The following SEM1 variants were observed in gnomAD, a reference collection of about 807,000 sequenced individuals.
SEM1 encodes the protein SEM1 26S proteasome subunit, also known as 26S proteasome complex subunit SEM1.
SEM1 carries 3 observed loss-of-function variants against 12.7 expected under a neutral mutation model. The observed-to-expected ratio is 0.24, with a 90% confidence interval of 0.11 to 0.61. The LOEUF is 0.61. SEM1 is among the 20% of genes least tolerant of loss of function. SEM1 has a pLI of 0.88. For missense variants in SEM1, 59 were observed against 81.3 expected (o/e 0.73, Z 1.06); for synonymous variants, 30 against 27.8 (o/e 1.08, Z -0.25).
intron 1 of SEM1, among the ~76,000 whole-genome samples, chr7:96,492,759 ATGTGTGTGTGTGTGTGTG>A (rs138520257): frequency 2.2e-4 from 31 of 142,990 alleles, no homozygotes; most frequent in African/African-American, 7.7e-4. Context: ...AATAATATTC[ATGTGTGTGTGTGTGTGTG>A]TGTGTGTGTG....
chr7:96,707,217 A>G (rs1790494215), intron 1 of SEM1, among the ~76,000 whole-genome samples: 2 of 152,224 alleles, frequency 1.3e-5, no homozygotes, highest in African/African-American at 4.8e-5. Flanking sequence ...CACATTTTGA[A>G]TAGTAACAGA....
chr7:96,488,894 G>T (rs886369537), intron 1 of SEM1, among the ~76,000 whole-genome samples: 3 of 152,040 alleles, frequency 2.0e-5, no homozygotes, highest in Admixed American at 1.3e-4. Flanking sequence ...AATAATTGAA[G>T]TTAAAAGAAG....
chr7:96,496,364 T>A (rs1388687288), upstream of SEM1: 3 of 1,196,654 alleles, frequency 2.5e-6, no homozygotes, highest in Admixed American at 6.8e-5. Flanking sequence ...AATTAATTAT[T>A]CAAATGTAAT....
downstream of SEM1, among the ~76,000 whole-genome samples, chr7:96,670,872 T>C (rs1261677743): frequency 2.0e-5 from 3 of 152,212 alleles, no homozygotes; most frequent in African/African-American, 7.2e-5. Flanking sequence ...TGTGTTACTT[T>C]CTAATAAATG....
intron 2 of SEM1, among the ~76,000 whole-genome samples, chr7:96,648,275 T>A (rs1584832067): frequency 6.6e-6 from 1 of 152,210 alleles, no homozygotes; most frequent in South Asian, 2.1e-4. Context: ...ATTTTGGACA[T>A]CAATGTTAGT....
chr7:96,668,930 G>C (rs530972765), downstream of SEM1, among the ~76,000 whole-genome samples: 7 of 152,118 alleles, frequency 4.6e-5, no homozygotes, highest in African/African-American at 1.7e-4. Context: ...GAATGCCATG[G>C]GACAACAAAG....
intron 2 of SEM1, among the ~76,000 whole-genome samples, chr7:96,520,747 T>C (rs1049690859): frequency 6.6e-6 from 1 of 152,112 alleles, no homozygotes; most frequent in African/African-American, 2.4e-5. Context: ...GGTGTCTGTG[T>C]TCCAGCATCT....
intron 2 of SEM1, among the ~76,000 whole-genome samples, chr7:96,612,176 C>G (rs917719380): frequency 2.0e-5 from 3 of 152,194 alleles, no homozygotes; most frequent in African/African-American, 7.2e-5. Context: ...GTGATGTAGA[C>G]AGGGCACACA....
rs540711696 is a variant in SEM1, at chr7:96,663,858, C to T, written c.170+30940G>A. 3.2e-4 allele frequency among the ~76,000 whole-genome samples: 49 copies of T among 152,238 alleles called. No homozygotes were observed. The Middle Eastern group carries it at 0.014, about 42-fold the overall frequency. ...AAAAACAGGCAAAAGACAAAGCAGG[C>T]GTTTCACTGAAAACAAAATATATAG... On this transcript the variant is annotated intron_variant, in intron 2 of 2. Coordinates refer to the SEM1 transcript ENST00000417009.
Position 96,643,175 on chromosome 7 carries a change from T to C in SEM1, c.171-20532A>G, listed in dbSNP as rs565138570. Reference sequence around the variant, plus strand: ...TGTCCATGTGTTCTCATCATTTCACTCCAGGTTATAAGTGAGAACGTGCAG... The same window carrying C: ...TGTCCATGTGTTCTCATCATTTCACCCCAGGTTATAAGTGAGAACGTGCAG... On this transcript the variant is annotated intron_variant, in intron 2 of 2. Coordinates refer to the SEM1 transcript ENST00000417009. Among the ~76,000 whole-genome samples, 52 of 152,176 alleles carry C rather than the reference T, an allele frequency of 3.4e-4. 1 individual carries two copies. Among genetic ancestry groups the C allele is most frequent in the Non-Finnish European group, 2.9e-4 (20 of 68,002 alleles).
chr7:96,614,365 C>G (rs1807637635), intron 2 of SEM1, among the ~76,000 whole-genome samples: 1 of 152,214 alleles, frequency 6.6e-6, no homozygotes, highest in East Asian at 1.9e-4. Flanking sequence ...GGTCTTTGGT[C>G]TCACTCTGCT....
intron 2 of SEM1, among the ~76,000 whole-genome samples, chr7:96,632,542 G>C (rs376025941): frequency 6.6e-6 from 1 of 151,994 alleles, no homozygotes; most frequent in Non-Finnish European, 1.5e-5. Flanking sequence ...ATCACACACT[G>C]GGGCCTGTCA....
intron 3 of SEM1, among the ~76,000 whole-genome samples, chr7:96,502,043 G>A (rs1803578156): frequency 6.6e-6 from 1 of 152,114 alleles, no homozygotes; most frequent in African/African-American, 2.4e-5. Flanking sequence ...TCATGTTGCT[G>A]CAAAGGACAA....
chr7:96,681,426 A>G (rs1789609149), intron 2 of SEM1, among the ~76,000 whole-genome samples: 1 of 152,114 alleles, frequency 6.6e-6, no homozygotes, highest in South Asian at 2.1e-4. Context: ...GTGGGAGTAG[A>G]TAGATTCTTA....
downstream of SEM1, among the ~76,000 whole-genome samples, chr7:96,617,763 A>G (rs571359853): frequency 9.2e-5 from 14 of 152,292 alleles, no homozygotes; most frequent in Middle Eastern, 3.4e-3. Context: ...GCCAGATTTT[A>G]TCAAATACTT....
intron 1 of SEM1, among the ~76,000 whole-genome samples, chr7:96,494,074 G>A (rs990976313): frequency 7.2e-5 from 11 of 152,278 alleles, no homozygotes; most frequent in African/African-American, 2.2e-4. Flanking sequence ...TGGAGACAGA[G>A]TTATCAGAGC....
chr7:96,509,458 G>A (rs1003709801), intron 2 of SEM1, among the ~76,000 whole-genome samples: 11 of 152,138 alleles, frequency 7.2e-5, no homozygotes, highest in Non-Finnish European at 1.2e-4. Context: ...TGTATGATGA[G>A]TTATCAGCAT....
intron 2 of SEM1, among the ~76,000 whole-genome samples, chr7:96,630,669 T>C (rs1300705461): frequency 6.6e-6 from 1 of 152,174 alleles, no homozygotes; most frequent in African/African-American, 2.4e-5. Context: ...AAGTCCCCTT[T>C]ACTTTTCCAT....
intron 2 of SEM1, chr7:96,646,004 T>C: frequency 5.0e-6 from 2 of 396,978 alleles, no homozygotes; most frequent in Non-Finnish European, 8.9e-6. Flanking sequence ...ACATTATGTT[T>C]CACTGATTCA....
Sources: gnomAD v4.1 joint callset for allele counts (sites outside exome capture counted in the v4.1 genomes callset) on GRCh38, gnomAD v4.1.1 for gene constraint, MANE v1.5 for transcripts, NCBI Gene and HGNC (gene_info 2026-07-23, HGNC 2026-07-21) for gene names.